Variants in DGKB observed in about 807,000 individuals in gnomAD.
DGKB encodes the protein 90 kDa diacylglycerol kinase.
DGKB carries 67 observed loss-of-function variants against 114.3 expected under a neutral mutation model. The observed-to-expected ratio is 0.59, with a 90% CI of 0.48 to 0.72. The LOEUF (loss-of-function observed/expected upper bound fraction) is 0.72, where lower values mean the gene tolerates loss of function less well. Among genes scored for constraint, DGKB ranks in the 30% least tolerant of loss-of-function variants. The pLI is 0.00. For synonymous variants in DGKB, 398 were observed against 323.1 expected, an observed-to-expected ratio of 1.23 and a Z score of -2.49; for missense variants, 907 against 975.2, an observed-to-expected ratio of 0.93 and a Z score of 0.93.
intron 23 of DGKB, among the ~76,000 whole-genome samples, chr7:14,253,435 C>T (rs1194625833): frequency 6.6e-6 from 1 of 152,160 alleles, no homozygotes; most frequent in African/African-American, 2.4e-5. Context: ...GTGATCTCCT[C>T]TACATCTCCA....
chr7:14,670,925 T>C (rs1818859967), intron 13 of DGKB, among the ~76,000 whole-genome samples: 1 of 152,192 alleles, frequency 6.6e-6, no homozygotes, highest in African/African-American at 2.4e-5. Context: ...GCAATGAATA[T>C]TTACTGAATA....
At chr7:14,813,027 G>A (rs1332111137) in intron 2 of DGKB, among the ~76,000 whole-genome samples, 5 of 152,020 alleles carry the variant, frequency 3.3e-5, no homozygotes, top group South Asian at 2.1e-4. Context: ...CAACAAATAC[G>A]ATCTAAAAAT....
At chr7:14,290,606 G>T (rs946215342) in intron 23 of DGKB, among the ~76,000 whole-genome samples, 40 of 152,090 alleles carry the variant, frequency 2.6e-4, no homozygotes, top group African/African-American at 9.7e-4. Context: ...GGAAGGAAAT[G>T]ACATACCAAC....
chr7:14,189,997 C>G (rs1459308020), intron 23 of DGKB, among the ~76,000 whole-genome samples: 1 of 151,990 alleles, frequency 6.6e-6, no homozygotes, highest in East Asian at 1.9e-4. Flanking sequence ...AAGCTAATGA[C>G]AAAAAATCAA....
At chr7:14,288,106 A>C (rs968328723) in intron 23 of DGKB, among the ~76,000 whole-genome samples, 1 of 152,086 alleles carries the variant, frequency 6.6e-6, no homozygotes, top group Non-Finnish European at 1.5e-5. Flanking sequence ...AATGGCAAGT[A>C]GTATCTTATT....
intron 21 of DGKB, among the ~76,000 whole-genome samples, chr7:14,384,117 T>A (rs1819933377): frequency 6.6e-6 from 1 of 152,208 alleles, no homozygotes; most frequent in Non-Finnish European, 1.5e-5. Flanking sequence ...TGTTAACATA[T>A]TTGAGAAACA....
intron 2 of DGKB, among the ~76,000 whole-genome samples, chr7:14,840,334 C>T (rs1415382505): frequency 6.6e-6 from 1 of 152,026 alleles, no homozygotes; most frequent in Non-Finnish European, 1.5e-5. Context: ...TTTCTGTACT[C>T]ATCATTTTCC....
chr7:14,944,459 T>C (rs1785749319), intron 1 of DGKB, among the ~76,000 whole-genome samples: 1 of 151,962 alleles, frequency 6.6e-6, no homozygotes, highest in Admixed American at 6.6e-5. Flanking sequence ...AAATTAGAAG[T>C]TCATAATCAC....
At chr7:14,463,843 G>A (rs1436777929) in intron 21 of DGKB, among the ~76,000 whole-genome samples, 3 of 152,156 alleles carry the variant, frequency 2.0e-5, no homozygotes, top group Non-Finnish European at 4.4e-5. Context: ...ATTTAGTAGA[G>A]TATCTGGAAC....
At chr7:14,399,778 C>CAAAG (rs2128723568) in intron 21 of DGKB, among the ~76,000 whole-genome samples, 1 of 151,874 alleles carries the variant, frequency 6.6e-6, no homozygotes, top group Admixed American at 6.6e-5. Flanking sequence ...AAAAGTCATT[C>CAAAG]CTCTTGAAGT....
At chr7:14,808,766 T>TG (rs1485869467) in intron 2 of DGKB, among the ~76,000 whole-genome samples, 1 of 152,126 alleles carries the variant, frequency 6.6e-6, no homozygotes, top group Non-Finnish European at 1.5e-5. Flanking sequence ...GATGAAACAG[T>TG]GGAATGAACA....
rs370678369 is a variant in DGKB at position 14,149,105 on chromosome 7, A to T, written c.*26T>A. 2 of 1,592,092 alleles carry T rather than the reference A, an allele frequency of 1.3e-6. No individual in the cohort carries two copies. Among genetic ancestry groups the T allele is most frequent in the Admixed American group, 3.3e-5 (2 of 59,926 alleles). ...TCCATGGCCCAATTATGCTAATTCA[A>T]TTTCTAAGAGTGAAACAACACAGGA... On this transcript the variant is annotated 3_prime_UTR_variant, in exon 26 of 26. Coordinates refer to ENST00000402815, the MANE Select transcript of DGKB (RefSeq NM_001350709.2).
At chr7:14,284,524 G>A (rs1205596843) in intron 23 of DGKB, among the ~76,000 whole-genome samples, 1 of 144,324 alleles carries the variant, frequency 6.9e-6, no homozygotes, top group Non-Finnish European at 1.5e-5. Flanking sequence ...TATACCCAAA[G>A]GACTATAAAT....
At chr7:14,556,195 T>C (rs999639814) in intron 20 of DGKB, among the ~76,000 whole-genome samples, 3 of 152,196 alleles carry the variant, frequency 2.0e-5, no homozygotes, top group Non-Finnish European at 4.4e-5. Context: ...TCCTCATATA[T>C]GCTGAGTGGT....
chr7:14,319,289 A>AC, intron 23 of DGKB, among the ~76,000 whole-genome samples: 2 of 44,518 alleles, frequency 4.5e-5, no homozygotes, highest in South Asian at 1.6e-3. Context: ...AAGTATAATA[A>AC]TAAAAAAAAA....
chr7:14,825,891 G>C (rs138961776), intron 2 of DGKB, among the ~76,000 whole-genome samples: 2 of 152,242 alleles, frequency 1.3e-5, no homozygotes, highest in African/African-American at 4.8e-5. Flanking sequence ...AAACTATTAG[G>C]AGGAGGATTG....
chr7:14,488,013 T>C (rs927800758), intron 20 of DGKB, among the ~76,000 whole-genome samples: 5 of 152,132 alleles, frequency 3.3e-5, no homozygotes, highest in African/African-American at 1.2e-4. Flanking sequence ...TATGACAGGA[T>C]TGAAAGCAAA....
At chr7:14,883,962 CA>C (rs1438959312) in intron 1 of DGKB, among the ~76,000 whole-genome samples, 6 of 151,918 alleles carry the variant, frequency 3.9e-5, no homozygotes, top group African/African-American at 1.4e-4. Context: ...CAGTGACAGC[CA>C]ACTTTGTATT....
upstream of DGKB, among the ~76,000 whole-genome samples, chr7:14,905,441 C>T (rs1055258046): frequency 6.6e-6 from 1 of 152,060 alleles, no homozygotes; most frequent in Non-Finnish European, 1.5e-5. Flanking sequence ...TCCCTTACAA[C>T]ACTGTGCCCA....
Sources: gnomAD v4.1 joint callset for allele counts (sites outside exome capture counted in the v4.1 genomes callset) on GRCh38, gnomAD v4.1.1 for gene constraint, MANE v1.5 for transcripts, NCBI Gene and HGNC (gene_info 2026-07-23, HGNC 2026-07-21) for gene names.